Variants in JAK1 observed in about 807,000 individuals in gnomAD.
The protein encoded by JAK1 is tyrosine-protein kinase JAK1.
JAK1 carries 16 observed loss-of-function variants against 136.6 expected under a neutral mutation model. That is an observed-to-expected ratio of 0.12 (90% confidence interval 0.08 to 0.18). The LOEUF (loss-of-function observed/expected upper bound fraction) is 0.18. Among genes scored for constraint, JAK1 ranks in the 10% least tolerant of loss-of-function variants. JAK1 has a pLI of 1.00. For missense variants in JAK1, 859 were observed against 1,450.1 expected (o/e 0.59, Z 6.62); for synonymous variants, 492 against 519.5 (o/e 0.95, Z 0.72).
At chr1:65,032,410 T>G (rs1647031540) in intron 2 of JAK1, among the ~76,000 whole-genome samples, 1 of 152,240 alleles carries the variant, frequency 6.6e-6, no homozygotes, top group Non-Finnish European at 1.5e-5. Context: ...TGAGTACTGG[T>G]CATTCTGTCT....
chr1:64,892,082 CT>C (rs969276591), intron 1 of JAK1, among the ~76,000 whole-genome samples: 2 of 152,218 alleles, frequency 1.3e-5, no homozygotes, highest in African/African-American at 4.8e-5. Flanking sequence ...GACTTTGTTA[CT>C]TTTCCTTTTC....
chr1:65,011,393 T>A (rs952495158), intron 2 of JAK1, among the ~76,000 whole-genome samples: 1 of 152,062 alleles, frequency 6.6e-6, no homozygotes, highest in Non-Finnish European at 1.5e-5. Context: ...GGAGGATCAC[T>A]TGAGCCCGGA....
At chr1:64,997,188 G>A (rs530342646) in intron 2 of JAK1, among the ~76,000 whole-genome samples, 4 of 152,098 alleles carry the variant, frequency 2.6e-5, no homozygotes, top group South Asian at 2.1e-4. Context: ...TAATTTCTAC[G>A]GATAAAATCC....
chr1:64,932,648 CA>C (rs368514503), intron 1 of JAK1, among the ~76,000 whole-genome samples: 44 of 152,200 alleles, frequency 2.9e-4, no homozygotes, highest in Admixed American at 1.8e-3. Context: ...TCAAGACCTG[CA>C]AAGATAGTAC....
At chr1:65,067,174 T>G (rs934149953) in intron 1 of JAK1, among the ~76,000 whole-genome samples, 3 of 142,344 alleles carry the variant, frequency 2.1e-5, no homozygotes, top group African/African-American at 7.8e-5. Flanking sequence ...GCCCCCGCGC[T>G]CCGCCGCCTA....
chr1:64,965,029 A>G (rs1646347501), intron 1 of JAK1, among the ~76,000 whole-genome samples: 1 of 152,234 alleles, frequency 6.6e-6, no homozygotes. Context: ...AAAGGGAAGA[A>G]CAAAGATTCA....
At chr1:64,864,014 GACAAGTTATTCTGAAT>G (rs1570662552) in intron 8 of JAK1, among the ~76,000 whole-genome samples, 2 of 152,184 alleles carry the variant, frequency 1.3e-5, no homozygotes, top group African/African-American at 4.8e-5. Flanking sequence ...ATATCAGAAA[GACAAGTTATTCTGAAT>G]ACAAGAGAGT....
In JAK1 at chr1:64,834,118, C is replaced by T. The variant is rs1654318446; in HGVS notation, c.*444G>A. The stretch of plus-strand genomic sequence containing the variant: ...ACTGAAATTTGAGGGCTAAGTCCAT[C>T]AATCTTTCTTTATCTATGATTAATG... On this transcript the variant is annotated 3_prime_UTR_variant, in exon 25 of 25. Coordinates refer to ENST00000342505, the MANE Select transcript of JAK1 (RefSeq NM_002227.4). The T allele has an allele frequency of 4.1e-6, 1 of 246,240 alleles. No homozygotes were observed. The highest frequency in any genetic ancestry group is 4.9e-5 in the Admixed American group (1 of 20,294). 15.3% of individuals were successfully genotyped at this position (246,240 alleles called of 1,614,324 possible).
intron 17 of JAK1, among the ~76,000 whole-genome samples, chr1:64,842,042 T>TA (rs1005726539): frequency 6.6e-5 from 10 of 152,218 alleles, no homozygotes; most frequent in Admixed American, 2.6e-4. Context: ...ATGCCAAATA[T>TA]AAAATTAGTC....
intron 1 of JAK1, among the ~76,000 whole-genome samples, chr1:64,962,114 A>C (rs1401081862): frequency 6.6e-6 from 1 of 152,230 alleles, no homozygotes; most frequent in African/African-American, 2.4e-5. Flanking sequence ...GCAACTGTAA[A>C]ACTGAACATG....
intron 1 of JAK1, chr1:65,058,584 G>A (rs892947667): frequency 4.0e-6 from 2 of 502,826 alleles, no homozygotes; most frequent in African/African-American, 3.9e-5. Context: ...TCCCCATGAA[G>A]TGAAGGACTA....
intron 15 of JAK1, among the ~76,000 whole-genome samples, 180 bp downstream of exon 15, chr1:64,845,333 G>A (rs189048629): frequency 7.9e-5 from 12 of 152,266 alleles, no homozygotes; most frequent in African/African-American, 2.2e-4. Flanking sequence ...CACAGGGAAC[G>A]GCCCCAAACG....
At chr1:64,848,289 A>C (rs1165259429) in intron 12 of JAK1, among the ~76,000 whole-genome samples, 1 of 152,206 alleles carries the variant, frequency 6.6e-6, no homozygotes, top group African/African-American at 2.4e-5. Flanking sequence ...TGGTGGATCC[A>C]TGTGTTATCT....
rs1646351709 is a variant in JAK1, at chr1:64,965,277, A to G, written c.-78+1056T>C. 3.3e-5 allele frequency among the ~76,000 whole-genome samples: 5 copies of G among 152,182 alleles called. No individual in the cohort carries two copies. The South Asian group carries it at 6.2e-4, about 19-fold the overall frequency. On this transcript the variant is annotated intron_variant, in intron 1 of 24. Transcript: ENST00000342505. ...GAGAAAAACCCTATGACTTGGGGGGAAAAGTGTCAATGACATGTATAGCGA... is the reference window on the plus strand; with the variant it reads ...GAGAAAAACCCTATGACTTGGGGGGGAAAGTGTCAATGACATGTATAGCGA...
chr1:64,897,554 G>A (rs1438221024), intron 1 of JAK1, among the ~76,000 whole-genome samples: 4 of 62,578 alleles, frequency 6.4e-5, no homozygotes, highest in Non-Finnish European at 1.2e-4. Flanking sequence ...GGAGGAGGAG[G>A]AGGAGGAGGA....
chr1:64,979,428 T>C (rs1646524305), intron 2 of JAK1: 1 of 152,112 alleles, frequency 6.6e-6, no homozygotes, highest in South Asian at 2.1e-4. Flanking sequence ...GAAATAAAAA[T>C]AGAAAAGAAT....
chr1:64,982,260 A>G (rs1646555034), intron 2 of JAK1, among the ~76,000 whole-genome samples: 1 of 152,166 alleles, frequency 6.6e-6, no homozygotes, highest in Non-Finnish European at 1.5e-5. Context: ...GCTGACACTC[A>G]GGTCTGACAT....
At chr1:64,964,291 C>T (rs1497057) in intron 1 of JAK1, among the ~76,000 whole-genome samples, 9 of 152,212 alleles carry the variant, frequency 5.9e-5, no homozygotes, top group Non-Finnish European at 1.3e-4. Flanking sequence ...TGGGATGTGT[C>T]TTTGAGGGGA....
intron 7 of JAK1, among the ~76,000 whole-genome samples, chr1:64,866,474 C>T (rs1656713894): frequency 6.6e-6 from 1 of 152,230 alleles, no homozygotes; most frequent in East Asian, 1.9e-4. Flanking sequence ...AATTTCTTAA[C>T]TTCTCTGTGC....
Sources: allele counts gnomAD v4.1 joint callset (sites outside exome capture counted in the v4.1 genomes callset), GRCh38; gene constraint gnomAD v4.1.1; transcripts MANE v1.5; gene names NCBI Gene and HGNC (gene_info 2026-07-23, HGNC 2026-07-21).